Variants in LHX2 observed in about 807,000 individuals in gnomAD.
LHX2 encodes LIM homeobox 2.
LHX2 carries 6 observed loss-of-function variants against 33.0 expected under a neutral mutation model. The ratio of observed to expected loss-of-function variants is 0.18; its 90% CI spans 0.10 to 0.36. LHX2 has a LOEUF of 0.36. Among genes scored for constraint, LHX2 ranks in the 10% least tolerant of loss-of-function variants. The pLI is 1.00. For missense variants in LHX2, 442 were observed against 586.2 expected (o/e 0.75, Z 2.54); for synonymous variants, 292 against 253.1 (o/e 1.15, Z -1.46).
rs1283912566 is a variant in LHX2 at position 124,016,682 on chromosome 9, G to A, written c.727+1157G>A. Among the ~76,000 whole-genome samples the A allele has an allele frequency of 6.6e-6, 1 of 152,232 alleles. No individual in the cohort carries two copies. Among genetic ancestry groups the A allele is most frequent in the Non-Finnish European group, 1.5e-5 (1 of 68,042 alleles). Reference sequence around the variant, plus strand: ...GTGTTCGCTCCAACGAAATCGCTTGGAGGATCATGGGGCGTGTGTCCCTGT... The same window carrying A: ...GTGTTCGCTCCAACGAAATCGCTTGAAGGATCATGGGGCGTGTGTCCCTGT... On this transcript the variant is annotated intron_variant, in intron 3 of 4. Transcript: ENST00000373615. The surrounding 1 kb of genome is among the most constrained non-coding windows in gnomAD (Gnocchi z 4.4).
intron 3 of LHX2, among the ~76,000 whole-genome samples, chr9:124,019,434 AT>A: frequency 6.6e-6 from 1 of 152,278 alleles, no homozygotes; most frequent in Middle Eastern, 3.4e-3. Flanking sequence ...TAACAAATAC[AT>A]TTTTAGTGTA....
chr9:124,014,721 G>A lies in LHX2; in HGVS notation c.324-401G>A, dbSNP rs959531764. 1.3e-5 allele frequency among the ~76,000 whole-genome samples: 2 copies of A among 152,108 alleles called. No individual in the cohort carries two copies. The highest frequency in any genetic ancestry group is 2.1e-4 in the South Asian group (1 of 4,824). ...ATATTCTCTCTGTCTCTGTCTCTAC[G>A]TCTGTGTCTCTCTCTCTTTCCCTGT... On this transcript the variant is annotated intron_variant, in intron 2 of 4. Transcript: ENST00000373615. The surrounding 1 kb of genome is among the most constrained non-coding windows in gnomAD (Gnocchi z 4.8).
rs780690752 is a variant in LHX2, at chr9:124,013,973, A to T, written c.133A>T (p.Ile45Phe). 3 of 1,612,788 alleles carry T rather than the reference A, an allele frequency of 1.9e-6. No individual in the cohort carries two copies. Among genetic ancestry groups the T allele is most frequent in the Non-Finnish European group, 2.5e-6 (3 of 1,179,920 alleles). The change falls in exon 2 of 5, where the codon ATC becomes TTC. Residue 45 changes from isoleucine to phenylalanine, a missense_variant. Around this residue, in one of 5 missense-constraint regions of LHX2, gnomAD observed 97 missense variants for 81.5 expected, o/e 1.19. Coordinates refer to ENST00000373615, the MANE Select transcript of LHX2 (RefSeq NM_004789.4). ...RGDTETTMPS[I>F]SSDRAALCAG... ...CCTCCCTTCGCAGACCATGCCGTCC[A>T]TCAGCAGTGACCGCGCCGCGCTGTG...
chr9:124,012,468 G>C lies in LHX2; in HGVS notation c.120G>C (p.Thr40=). The C allele has an allele frequency of 1.3e-6, 2 of 1,544,386 alleles. No homozygotes were observed. The highest frequency in any genetic ancestry group is 1.7e-6 in the Non-Finnish European group (2 of 1,153,646). Reference sequence around the variant, plus strand: ...CCATCGACCGCGGCGACACCGAGACGGTAGGCGCGCGGCTGTGGGGTCGGG... The same window carrying C: ...CCATCGACCGCGGCGACACCGAGACCGTAGGCGCGCGGCTGTGGGGTCGGG... ...SSAIDRGDTE[T]TMPSISSDRA... Residue 40 remains threonine, a splice_region_variant and synonymous_variant, in exon 1 of 5, where the codon ACG becomes ACC. Coordinates refer to ENST00000373615, the MANE Select transcript of LHX2 (RefSeq NM_004789.4). The surrounding 1 kb of genome is among the most constrained non-coding windows in gnomAD (Gnocchi z 4.3).
In LHX2 at chr9:124,012,682, G is replaced by A. The variant is rs947072320; in HGVS notation, c.120+214G>A. 1.3e-5 allele frequency among the ~76,000 whole-genome samples: 2 copies of A among 152,234 alleles called. No homozygotes were observed. The highest frequency in any genetic ancestry group is 2.9e-5 in the Non-Finnish European group (2 of 68,046). On this transcript the variant is annotated intron_variant, in intron 1 of 4. Transcript: ENST00000373615. The surrounding 1 kb of genome is among the most constrained non-coding windows in gnomAD (Gnocchi z 4.3). ...AAACAAGGTTGAAACCGAAATCTCG[G>A]CCCTGGGGGTAGAGGAGAGCGTTTC...
chr9:124,019,014 G>A (rs951222258), intron 3 of LHX2, among the ~76,000 whole-genome samples: 2 of 152,214 alleles, frequency 1.3e-5, no homozygotes, highest in East Asian at 1.9e-4. Context: ...AAGATACCCC[G>A]TAGGGAGGCT....
chr9:124,028,617 C>T (rs150104086), intron 4 of LHX2, among the ~76,000 whole-genome samples: 13 of 152,324 alleles, frequency 8.5e-5, no homozygotes, highest in Admixed American at 4.6e-4. Flanking sequence ...CTGCTCTTTC[C>T]ACTGCACTAT....
Position 124,012,262 on chromosome 9 carries a change from T to G in LHX2, c.-87T>G. 7 of 1,294,572 alleles carry G rather than the reference T, an allele frequency of 5.4e-6. No homozygotes were observed. The highest frequency in any genetic ancestry group is 4.0e-5 in the Admixed American group (1 of 24,880). 80.2% of individuals were successfully genotyped at this position (1,294,572 alleles called of 1,614,324 possible). ...CCGCGGTGGCGATGCACCGGGCCCG[T>G]TAGCGCCAGGAGCGCCAGGCAGCTG... On this transcript the variant is annotated 5_prime_UTR_variant, in exon 1 of 5. Transcript: ENST00000373615. The surrounding 1 kb of genome is among the most constrained non-coding windows in gnomAD (Gnocchi z 4.3).
Position 124,015,583 on chromosome 9 carries a change from A to G in LHX2, c.727+58A>G, listed in dbSNP as rs553818101. Reference sequence around the variant, plus strand: ...GGTTGGGGGAAAGTGTGCGGCCTCGACGGCCGGGAGCTGGATTGAATCTCT... The same window carrying G: ...GGTTGGGGGAAAGTGTGCGGCCTCGGCGGCCGGGAGCTGGATTGAATCTCT... On this transcript the variant is annotated intron_variant, in intron 3 of 4. Coordinates refer to ENST00000373615, the MANE Select transcript of LHX2 (RefSeq NM_004789.4). This position sits in a 1 kb window ranked among gnomAD's most constrained non-coding sequence, Gnocchi z 7.9. 1 of 1,431,992 alleles carries G rather than the reference A, an allele frequency of 7.0e-7. No homozygotes were observed. Among genetic ancestry groups the G allele is most frequent in the African/African-American group, 1.4e-5 (1 of 69,342 alleles). The allele number at this position is 1,431,992 out of a possible 1,614,324, so 88.7% of individuals were successfully genotyped here.
At position 124,032,884 on chromosome 9, in the gene LHX2, G is replaced by C; in HGVS notation, c.*177G>C. On this transcript the variant is annotated 3_prime_UTR_variant, in exon 5 of 5. Coordinates refer to ENST00000373615, the MANE Select transcript of LHX2 (RefSeq NM_004789.4). This position sits in a 1 kb window ranked among gnomAD's most constrained non-coding sequence, Gnocchi z 4.1. ...CCCGGCTAATGCAGCGGTGTGGACC[G>C]AGGAACAACTTGGAAGATCTACCTG... The C allele has an allele frequency of 1.7e-6, 1 of 601,458 alleles. No individual in the cohort carries two copies. The highest frequency in any genetic ancestry group is 2.7e-6 in the Non-Finnish European group (1 of 368,770). The allele number at this position is 601,458 out of a possible 1,614,324, so 37.3% of individuals were successfully genotyped here. A position where few individuals can be genotyped will look rare whatever the true frequency, so the allele number is the denominator to read the frequency against.
intron 4 of LHX2, among the ~76,000 whole-genome samples, chr9:124,022,720 A>T (rs1451330438): frequency 6.6e-6 from 1 of 152,236 alleles, no homozygotes; most frequent in Non-Finnish European, 1.5e-5. Context: ...CAAAAAACAA[A>T]CAAAAAAATG....
rs981735826 is a variant in LHX2 at position 124,016,231 on chromosome 9, G to C, written c.727+706G>C. Among the ~76,000 whole-genome samples the C allele has an allele frequency of 6.6e-6, 1 of 152,002 alleles. No individual in the cohort carries two copies. Among genetic ancestry groups the C allele is most frequent in the Non-Finnish European group, 1.5e-5 (1 of 67,982 alleles). The stretch of plus-strand genomic sequence containing the variant: ...AGCAGGCCTGGCCTCGCGCCGGGGT[G>C]GGGTGGGGTGGGGTGAGGTGGGGGG... On this transcript the variant is annotated intron_variant, in intron 3 of 4. Transcript: ENST00000373615. This position sits in a 1 kb window ranked among gnomAD's most constrained non-coding sequence, Gnocchi z 4.4.
At position 124,032,699 on chromosome 9, in the gene LHX2, C is replaced by A; in HGVS notation, c.1213C>A (p.Leu405Ile). ...HSPSQTTLTN[L>I]F ...CCCCTCACAAACGACTCTTACCAAC[C>A]TTTTCTAATGACTCGCAACCCCTCA... Residue 405 changes from leucine to isoleucine, a missense_variant, in exon 5 of 5, where the codon CTT (leucine) becomes ATT (isoleucine). Coordinates refer to ENST00000373615, the MANE Select transcript of LHX2 (RefSeq NM_004789.4). The surrounding 1 kb of genome is among the most constrained non-coding windows in gnomAD (Gnocchi z 4.1). 6.3e-7 allele frequency: 1 copy of A among 1,583,354 alleles called. No individual in the cohort carries two copies. The highest frequency in any genetic ancestry group is 1.1e-5 in the South Asian group (1 of 89,048).
At chr9:124,018,104 A>G (rs886410735) in intron 3 of LHX2, among the ~76,000 whole-genome samples, 35 of 151,800 alleles carry the variant, frequency 2.3e-4, no homozygotes, top group Admixed American at 3.3e-4. Context: ...TATTTAGACA[A>G]TTGAACCTAC....
chr9:124,018,574 T>C (rs183105543), intron 3 of LHX2, among the ~76,000 whole-genome samples: 2 of 152,018 alleles, frequency 1.3e-5, no homozygotes, highest in Admixed American at 1.3e-4. Flanking sequence ...GGAAAAGGCC[T>C]CCCCCGCAGG....
At chr9:124,018,865 G>T (rs1174482532) in intron 3 of LHX2, among the ~76,000 whole-genome samples, 1 of 150,704 alleles carries the variant, frequency 6.6e-6, no homozygotes, top group Non-Finnish European at 1.5e-5. Context: ...TGCCCTTTCT[G>T]TCCCCCTCCC....
At position 124,032,879 on chromosome 9, in the gene LHX2, G is replaced by T; in HGVS notation, c.*172G>T. On this transcript the variant is annotated 3_prime_UTR_variant, in exon 5 of 5. Coordinates refer to ENST00000373615, the MANE Select transcript of LHX2 (RefSeq NM_004789.4). This position sits in a 1 kb window ranked among gnomAD's most constrained non-coding sequence, Gnocchi z 4.1. The stretch of plus-strand genomic sequence containing the variant: ...GTGCGCCCGGCTAATGCAGCGGTGT[G>T]GACCGAGGAACAACTTGGAAGATCT... 1.6e-6 allele frequency: 1 copy of T among 640,236 alleles called. No individual in the cohort carries two copies. Among genetic ancestry groups the T allele is most frequent in the Non-Finnish European group, 2.5e-6 (1 of 399,380 alleles). 39.7% of individuals were successfully genotyped at this position (640,236 alleles called of 1,614,324 possible). A position where few individuals can be genotyped will look rare whatever the true frequency, so the allele number is the denominator to read the frequency against.
chr9:124,018,757 C>T (rs2118759030), intron 3 of LHX2, among the ~76,000 whole-genome samples: 1 of 152,320 alleles, frequency 6.6e-6, no homozygotes, highest in Admixed American at 6.5e-5. Context: ...TGTCTGTCCT[C>T]TCTTTTTCCT....
chr9:124,012,248 A>C lies in LHX2; in HGVS notation c.-101A>C. The C allele has an allele frequency of 6.8e-6, 8 of 1,170,398 alleles. No individual in the cohort carries two copies. The highest frequency in any genetic ancestry group is 1.6e-5 in the African/African-American group (1 of 61,000). The allele number at this position is 1,170,398 out of a possible 1,614,324, so 72.5% of individuals were successfully genotyped here. ...GGGCGGGGCCGGGGCCGCGGTGGCG[A>C]TGCACCGGGCCCGTTAGCGCCAGGA... On this transcript the variant is annotated 5_prime_UTR_variant, in exon 1 of 5. An upstream start codon of the reference 5' UTR is lost. Coordinates refer to ENST00000373615, the MANE Select transcript of LHX2 (RefSeq NM_004789.4). This position sits in a 1 kb window ranked among gnomAD's most constrained non-coding sequence, Gnocchi z 4.3.
Sources: gnomAD v4.1 joint callset for allele counts (sites outside exome capture counted in the v4.1 genomes callset) on GRCh38, gnomAD v4.1.1 for gene constraint, gnomAD v4.1.1 regional missense constraint, Gnocchi (gnomAD v3.1) non-coding constraint, MANE v1.5 for transcripts, NCBI Gene and HGNC (gene_info 2026-07-23, HGNC 2026-07-21) for gene names.